The following STAM variants were observed in gnomAD, a reference collection of about 807,000 sequenced individuals.
STAM encodes signal transducing adapter molecule 1.
A neutral mutation model predicts 63.4 loss-of-function variants in STAM; 16 were observed. The ratio of observed to expected loss-of-function variants is 0.25; its 90% confidence interval spans 0.17 to 0.38. The LOEUF (loss-of-function observed/expected upper bound fraction) is 0.38. Among genes scored for constraint, STAM ranks in the 10% least tolerant of loss-of-function variants. The pLI is 1.00. For missense variants in STAM, 636 were observed against 657.1 expected (o/e 0.97, Z 0.35); for synonymous variants, 238 against 223.9 (o/e 1.06, Z -0.56).
chr10:17,663,430 T>A (rs1834254623), intron 2 of STAM, among the ~76,000 whole-genome samples: 2 of 152,276 alleles, frequency 1.3e-5, no homozygotes, highest in East Asian at 1.9e-4. Flanking sequence ...GGGATTTTAA[T>A]TGACATTATA....
chr10:17,680,376 G>A (rs1835032878), intron 2 of STAM, among the ~76,000 whole-genome samples: 1 of 150,930 alleles, frequency 6.6e-6, no homozygotes, highest in Non-Finnish European at 1.5e-5. Flanking sequence ...AGGCCCCCTG[G>A]CAACCACCAT....
At chr10:17,687,476 G>T (rs1321486419) in intron 4 of STAM, among the ~76,000 whole-genome samples, 1 of 150,556 alleles carries the variant, frequency 6.6e-6, no homozygotes, top group Non-Finnish European at 1.5e-5. Flanking sequence ...GCCACAGGGT[G>T]AGACTCTGTC....
intron 2 of STAM, among the ~76,000 whole-genome samples, chr10:17,680,145 C>T (rs971780690): frequency 4.6e-5 from 7 of 151,996 alleles, no homozygotes; most frequent in African/African-American, 7.2e-5. Flanking sequence ...TCTTTTTCCT[C>T]GTTTCTTAAG....
At chr10:17,646,374 A>T (rs1252847529) in intron 1 of STAM, among the ~76,000 whole-genome samples, 2 of 152,172 alleles carry the variant, frequency 1.3e-5, no homozygotes, top group Non-Finnish European at 2.9e-5. Context: ...TGGAAGGACA[A>T]AATACCTCCC....
chr10:17,644,605 G>C (rs1191915828), intron 1 of STAM, among the ~76,000 whole-genome samples: 1 of 152,178 alleles, frequency 6.6e-6, no homozygotes, highest in Non-Finnish European at 1.5e-5. Context: ...TAGGACTGTA[G>C]GTTGCCAAAG....
chr10:17,667,449 C>T (rs139009042), intron 2 of STAM, among the ~76,000 whole-genome samples: 29 of 152,202 alleles, frequency 1.9e-4, no homozygotes, highest in African/African-American at 6.5e-4. Flanking sequence ...AAAACGTGAT[C>T]TTGATTTCCA....
rs74118010 is a variant in STAM at position 17,688,259 on chromosome 10, G to A, written c.444+86G>A. On this transcript the variant is annotated intron_variant, in intron 5 of 13. Transcript: ENST00000377524. ...ATTTGAATTTTTTTCTTCATTCCCA[G>A]GTAATTTTTACTACTTCAGAGGAAT... The A allele has an allele frequency of 1.3e-3, 1,766 of 1,328,400 alleles. 24 individuals are homozygous for A. The African/African-American group carries it at 0.023, about 18-fold the overall frequency. 82.3% of individuals were successfully genotyped at this position (1,328,400 alleles called of 1,614,324 possible).
chr10:17,701,267 A>T (rs1835981779), intron 9 of STAM, among the ~76,000 whole-genome samples: 2 of 127,890 alleles, frequency 1.6e-5, no homozygotes, highest in Admixed American at 1.5e-4. Context: ...AAGCGTGTTT[A>T]TGAAAAAATA....
chr10:17,709,065 CG>C, intron 13 of STAM, 114 bp downstream of exon 13: 2 of 1,268,424 alleles, frequency 1.6e-6, no homozygotes, highest in Non-Finnish European at 2.2e-6. Context: ...CAGCGTCATG[CG>C]GCCGCCCCAT....
At chr10:17,698,401 A>G (rs571802862) in intron 8 of STAM, among the ~76,000 whole-genome samples, 9 of 150,410 alleles carry the variant, frequency 6.0e-5, no homozygotes, top group African/African-American at 1.9e-4. Flanking sequence ...GATCTCATGT[A>G]GATCCTGGAG....
intron 4 of STAM, 75 bp downstream of exon 4, chr10:17,685,002 A>G (rs782014078): frequency 3.6e-5 from 44 of 1,224,062 alleles, no homozygotes; most frequent in Non-Finnish European, 5.1e-5. Context: ...AAATCTTCAC[A>G]GAGGACTATT....
chr10:17,707,549 A>G (rs1836348075), intron 12 of STAM, among the ~76,000 whole-genome samples: 3 of 152,200 alleles, frequency 2.0e-5, no homozygotes, highest in South Asian at 4.1e-4. Flanking sequence ...ATGAACAGCT[A>G]GGCCCAAGAA....
intron 9 of STAM, among the ~76,000 whole-genome samples, chr10:17,701,800 A>T (rs914406589): frequency 2.6e-5 from 4 of 152,168 alleles, no homozygotes; most frequent in African/African-American, 9.6e-5. Context: ...AGTGAAGATT[A>T]CTGTGGTACA....
chr10:17,665,379 C>A (rs554560861), intron 2 of STAM, among the ~76,000 whole-genome samples: 18 of 152,204 alleles, frequency 1.2e-4, no homozygotes, highest in African/African-American at 3.9e-4. Context: ...TAATTCCTAT[C>A]CCTGTTTCGC....
At chr10:17,658,008 C>T (rs1357785863) in intron 1 of STAM, among the ~76,000 whole-genome samples, 5 of 151,790 alleles carry the variant, frequency 3.3e-5, no homozygotes, top group African/African-American at 1.2e-4. Context: ...CTTCTGCTTG[C>T]TTAGTTTGGA....
At chr10:17,689,713 T>C (rs1164868526) in intron 5 of STAM, among the ~76,000 whole-genome samples, 3 of 152,078 alleles carry the variant, frequency 2.0e-5, no homozygotes, top group African/African-American at 7.2e-5. Context: ...GTAGAGAAAA[T>C]GCAAGCCCAC....
intron 1 of STAM, among the ~76,000 whole-genome samples, chr10:17,653,214 C>T (rs374805372): frequency 2.0e-5 from 3 of 152,144 alleles, no homozygotes; most frequent in Non-Finnish European, 4.4e-5. Context: ...TATAATGACA[C>T]CCCAATTGTA....
intron 2 of STAM, among the ~76,000 whole-genome samples, chr10:17,677,993 A>G (rs1834922846): frequency 6.6e-6 from 1 of 152,168 alleles, no homozygotes; most frequent in Non-Finnish European, 1.5e-5. Context: ...TATTTCACAT[A>G]CCATCAAATT....
rs556747138 is a variant in STAM, at chr10:17,693,392, G to T, written c.535+80G>T. On this transcript the variant is annotated intron_variant, in intron 6 of 13. Coordinates refer to ENST00000377524, the MANE Select transcript of STAM (RefSeq NM_003473.4). ...GAGATATTTAAAGGTAAAATAAATA[G>T]AACTTTATAGCAAAAAGCTGAAATC... 3.1e-4 allele frequency: 369 copies of T among 1,197,968 alleles called. 3 individuals carry two copies. The African/African-American group carries it at 5.3e-3, about 17-fold the overall frequency. 74.2% of individuals were successfully genotyped at this position (1,197,968 alleles called of 1,614,324 possible). A position where few individuals can be genotyped will look rare whatever the true frequency, so the allele number is the denominator to read the frequency against.
Sources: gnomAD v4.1 joint callset for allele counts (sites outside exome capture counted in the v4.1 genomes callset) on GRCh38, gnomAD v4.1.1 for gene constraint, MANE v1.5 for transcripts, NCBI Gene and HGNC (gene_info 2026-07-23, HGNC 2026-07-21) for gene names.